Variants in PPCDC observed in about 807,000 individuals in gnomAD.
PPCDC encodes phosphopantothenoylcysteine decarboxylase.
In PPCDC, 20 loss-of-function variants were observed where a neutral mutation model predicts 20.7. That is an observed-to-expected ratio of 0.97 (90% confidence interval 0.68 to 1.41). The LOEUF (loss-of-function observed/expected upper bound fraction) is 1.41. Ranked by LOEUF, PPCDC falls within the 40% of genes most tolerant of loss-of-function variation. The pLI is 0.00. For missense variants in PPCDC, 246 were observed against 263.8 expected (o/e 0.93, Z 0.47); for synonymous variants, 88 against 100.3 (o/e 0.88, Z 0.73).
Position 75,028,350 on chromosome 15 carries a change from C to T in PPCDC, c.32C>T (p.Ala11Val). The change falls in exon 2 of 6, where the codon GCA (alanine) becomes GTA (valine). Residue 11 changes from alanine to valine, a missense_variant. By Grantham distance (64) the Ala-to-Val change is moderately conservative (BLOSUM62 0). This residue lies in a region of PPCDC where 225 missense variants were observed against 222.6 expected (regional missense o/e 1.01). Transcript: ENST00000342932. Reference sequence around the variant, plus strand: ...CCAAAGGCCTCCTGTCCAGCTGCTGCACCCTTGATGGAGAGAAAATTCCAT... The same window carrying T: ...CCAAAGGCCTCCTGTCCAGCTGCTGTACCCTTGATGGAGAGAAAATTCCAT... MEPKASCPAA[A>V]PLMERKFHVL... The T allele has an allele frequency of 6.2e-7, 1 of 1,614,204 alleles. No individual in the cohort carries two copies. Among genetic ancestry groups the T allele is most frequent in the Non-Finnish European group, 8.5e-7 (1 of 1,180,038 alleles).
chr15:75,025,769 C>T (rs1415622000), intron 1 of PPCDC, among the ~76,000 whole-genome samples: 1 of 152,276 alleles, frequency 6.6e-6, no homozygotes, highest in Non-Finnish European at 1.5e-5. Flanking sequence ...GTTCTGGTTA[C>T]AGTAATAGAC....
At chr15:75,040,589 A>T (rs774634188) in intron 2 of PPCDC, among the ~76,000 whole-genome samples, 5 of 152,170 alleles carry the variant, frequency 3.3e-5, no homozygotes, top group Admixed American at 2.0e-4. Context: ...TTATATATTT[A>T]CTATAATTAT....
chr15:75,028,424 C>T lies in PPCDC; in HGVS notation c.106C>T (p.Leu36=), dbSNP rs2065983328. The stretch of plus-strand genomic sequence containing the variant: ...TGTCGCAGCCCTGAAGTTGCCTCTT[C>T]TGGTGTCAAAGCTTTTGGACATTCC... ...GSVAALKLPL[L]VSKLLDIPGL... Residue 36 remains leucine, a synonymous_variant, in exon 2 of 6, where the codon CTG becomes TTG. Coordinates refer to ENST00000342932, the MANE Select transcript of PPCDC (RefSeq NM_021823.5). 6.2e-7 allele frequency: 1 copy of T among 1,614,258 alleles called. No individual in the cohort carries two copies. Among genetic ancestry groups the T allele is most frequent in the Non-Finnish European group, 8.5e-7 (1 of 1,180,050 alleles).
At position 75,034,716 on chromosome 15, in the gene PPCDC, C is replaced by G. The variant is rs919165499; in HGVS notation, c.135+6263C>G. 2.6e-5 allele frequency among the ~76,000 whole-genome samples: 4 copies of G among 152,312 alleles called. No homozygotes were observed. The South Asian group carries it at 8.3e-4, about 32-fold the overall frequency. On this transcript the variant is annotated intron_variant, in intron 2 of 5. Coordinates refer to ENST00000342932, the MANE Select transcript of PPCDC (RefSeq NM_021823.5). Reference sequence around the variant, plus strand: ...AATGTCAGAGTCCTCTGCTGTGCGTCCTGGCCCAGAGGACTGGGCCACCAA... The same window carrying G: ...AATGTCAGAGTCCTCTGCTGTGCGTGCTGGCCCAGAGGACTGGGCCACCAA...
intron 2 of PPCDC, among the ~76,000 whole-genome samples, chr15:75,036,608 G>A (rs1056949373): frequency 1.1e-4 from 16 of 152,092 alleles, no homozygotes; most frequent in Admixed American, 5.9e-4. Context: ...CCTCTGAGAG[G>A]TTAGGCAAAG....
intron 2 of PPCDC, among the ~76,000 whole-genome samples, chr15:75,030,330 C>T (rs191502164): frequency 2.0e-5 from 3 of 152,240 alleles, no homozygotes; most frequent in African/African-American, 7.2e-5. Flanking sequence ...TGTTGAAGCA[C>T]TCGGTTGTGT....
chr15:75,034,651 C>T (rs1415884320), intron 2 of PPCDC, among the ~76,000 whole-genome samples: 1 of 152,208 alleles, frequency 6.6e-6, no homozygotes, highest in East Asian at 1.9e-4. Context: ...AGGACCTGGG[C>T]ACAGATCTGG....
rs764009825 is a variant in PPCDC, at chr15:75,043,519, G to A, written c.214G>A (p.Asp72Asn). ...PQDIPVTLYSDADEWEIWKSR... is the reference protein window; with the variant it reads ...PQDIPVTLYSNADEWEIWKSR... ...GGACATTCCTGTCACCCTCTACAGCGACGCTGATGAATGGGAGGTCAGTGC... is the reference window on the plus strand; with the variant it reads ...GGACATTCCTGTCACCCTCTACAGCAACGCTGATGAATGGGAGGTCAGTGC... The change falls in exon 3 of 6, where the codon GAC becomes AAC. Residue 72 changes from aspartate (D) to asparagine (N), a missense_variant. Around this residue, in one of 2 missense-constraint regions of PPCDC, gnomAD observed 225 missense variants for 222.6 expected, o/e 1.01. Coordinates refer to ENST00000342932, the MANE Select transcript of PPCDC (RefSeq NM_021823.5). 18 of 1,610,350 alleles carry A rather than the reference G, an allele frequency of 1.1e-5. No individual in the cohort carries two copies. Among genetic ancestry groups the A allele is most frequent in the East Asian group, 1.1e-4 (5 of 44,818 alleles).
At chr15:75,047,973 G>T (rs2141505198) in intron 4 of PPCDC, among the ~76,000 whole-genome samples, 1 of 152,334 alleles carries the variant, frequency 6.6e-6, no homozygotes, top group Non-Finnish European at 1.5e-5. Context: ...CATTGCCTGG[G>T]TGGTGCCCAT....
At chr15:75,028,113 CT>C in intron 1 of PPCDC, 133 bp from the exon 2 acceptor site, 1 of 607,114 alleles carries the variant, frequency 1.6e-6, no homozygotes, top group Non-Finnish European at 2.8e-6. Context: ...TCTTATCAAA[CT>C]GTGTGCTCCC....
chr15:75,038,564 C>G (rs756174828), intron 2 of PPCDC, among the ~76,000 whole-genome samples: 3 of 152,130 alleles, frequency 2.0e-5, no homozygotes, highest in African/African-American at 4.8e-5. Context: ...ATTGCAAACT[C>G]CATACATCAG....
chr15:75,044,291 G>A (rs962885222), intron 3 of PPCDC, 95 bp from the exon 4 acceptor site: 3 of 1,546,426 alleles, frequency 1.9e-6, no homozygotes, highest in East Asian at 2.3e-5. Flanking sequence ...GGGCAGGTCA[G>A]TGGGTTCCTC....
rs184182643 is a variant in PPCDC, at chr15:75,037,254, G to C, written c.136-6187G>C. Among the ~76,000 whole-genome samples the C allele has an allele frequency of 1.1e-4, 16 of 152,272 alleles. No homozygotes were observed. In the East Asian group the frequency reaches 2.9e-3, roughly 28 times the overall value. ...GGCTACCTGAAGCCTTCTGTTGAAG[G>C]AGCTGGAAAACAGTTAAGTGGAAGG... On this transcript the variant is annotated intron_variant, in intron 2 of 5. Coordinates refer to ENST00000342932, the MANE Select transcript of PPCDC (RefSeq NM_021823.5).
In PPCDC at chr15:75,049,457, A is replaced by G. The variant is rs142967987; in HGVS notation, c.*222A>G. The G allele has an allele frequency of 6.9e-4, 384 of 553,424 alleles. 4 individuals are homozygous for G. The East Asian group carries it at 0.012, about 17-fold the overall frequency. 34.3% of individuals were successfully genotyped at this position (553,424 alleles called of 1,614,324 possible). On this transcript the variant is annotated 3_prime_UTR_variant, in exon 6 of 6. Coordinates refer to ENST00000342932, the MANE Select transcript of PPCDC (RefSeq NM_021823.5). Reference sequence around the variant, plus strand: ...AGGCCGCTGCCTAGAGCCCCTCCCCACCTTTTCCTGGATGGGTGAGGCAAG... The same window carrying G: ...AGGCCGCTGCCTAGAGCCCCTCCCCGCCTTTTCCTGGATGGGTGAGGCAAG...
chr15:75,050,111 A>T lies in PPCDC; in HGVS notation c.*876A>T, dbSNP rs532093345. The T allele has an allele frequency of 2.6e-5, 4 of 152,390 alleles. No homozygotes were observed. The East Asian group carries it at 7.7e-4, about 29-fold the overall frequency. 9.4% of individuals were successfully genotyped at this position (152,390 alleles called of 1,614,324 possible). ...AAATCAATGGAAGTTAAAACTAGGCATGCATATATGCCAGAGAGCTTTCCT... is the reference window on the plus strand; with the variant it reads ...AAATCAATGGAAGTTAAAACTAGGCTTGCATATATGCCAGAGAGCTTTCCT... On this transcript the variant is annotated 3_prime_UTR_variant, in exon 6 of 6. Coordinates refer to ENST00000342932, the MANE Select transcript of PPCDC (RefSeq NM_021823.5).
intron 2 of PPCDC, among the ~76,000 whole-genome samples, chr15:75,036,500 A>C (rs1303854801): frequency 6.6e-6 from 1 of 152,178 alleles, no homozygotes; most frequent in East Asian, 1.9e-4. Flanking sequence ...AGACCCGCCC[A>C]TCACATACTC....
intron 2 of PPCDC, among the ~76,000 whole-genome samples, chr15:75,041,453 AAC>A (rs2066151969): frequency 6.6e-6 from 1 of 152,130 alleles, no homozygotes; most frequent in South Asian, 2.1e-4. Context: ...AACATGGTGA[AAC>A]ACTGTCTCTA....
At chr15:75,026,431 G>A (rs1251911049) in intron 1 of PPCDC, among the ~76,000 whole-genome samples, 1 of 152,232 alleles carries the variant, frequency 6.6e-6, no homozygotes, top group Non-Finnish European at 1.5e-5. Context: ...CCCTGCAGTG[G>A]AGCAGACATT....
At chr15:75,043,777 T>G in intron 3 of PPCDC, 1 of 517,894 alleles carries the variant, frequency 1.9e-6, no homozygotes, top group Non-Finnish European at 3.5e-6. Flanking sequence ...AGGTTGAGTG[T>G]CCTTGTACTT....
Sources: gnomAD v4.1 joint callset for allele counts (sites outside exome capture counted in the v4.1 genomes callset) on GRCh38, gnomAD v4.1.1 for gene constraint, gnomAD v4.1.1 regional missense constraint, MANE v1.5 for transcripts, NCBI Gene and HGNC (gene_info 2026-07-23, HGNC 2026-07-21) for gene names.